SUPT6H: variants seen among roughly 807,000 people sequenced by gnomAD.
SUPT6H encodes SPT6 homolog, histone chaperone and transcription elongation factor, also known as transcription elongation factor SPT6.
SUPT6H carries 11 observed loss-of-function variants against 222.3 expected under a neutral mutation model. That is an observed-to-expected ratio of 0.05 (90% confidence interval 0.03 to 0.08). The LOEUF is 0.08. SUPT6H is among the 10% of genes least tolerant of loss of function. The pLI is 1.00. For missense variants in SUPT6H, 1,422 were observed against 2,216.0 expected, an observed-to-expected ratio of 0.64 and a Z score of 7.19; for synonymous variants, 762 against 801.2, an observed-to-expected ratio of 0.95 and a Z score of 0.83.
At chr17:28,662,975 C>G (rs566336182) in intron 1 of SUPT6H, among the ~76,000 whole-genome samples, 1 of 152,272 alleles carries the variant, frequency 6.6e-6, no homozygotes, top group Non-Finnish European at 1.5e-5. Flanking sequence ...CTAGTTTCTA[C>G]CTTTCTCCTC....
chr17:28,682,298 C>T (rs1325841324), intron 13 of SUPT6H: 5 of 296,078 alleles, frequency 1.7e-5, no homozygotes, highest in East Asian at 6.9e-5. Context: ...TGTTCTTTGA[C>T]TACCTGGTCC....
At chr17:28,690,587 C>A (rs1293736923) in intron 26 of SUPT6H, among the ~76,000 whole-genome samples, 1 of 152,098 alleles carries the variant, frequency 6.6e-6, no homozygotes, top group Non-Finnish European at 1.5e-5. Context: ...CCAGTCTGGG[C>A]AACATGGTGA....
At chr17:28,682,422 G>T (rs2031161293) in intron 13 of SUPT6H, among the ~76,000 whole-genome samples, 1 of 151,910 alleles carries the variant, frequency 6.6e-6, no homozygotes, top group Non-Finnish European at 1.5e-5. Context: ...CCCAGGATTT[G>T]GAGGCCAGCC....
chr17:28,681,672 C>T (rs1234829579), intron 12 of SUPT6H, among the ~76,000 whole-genome samples: 1 of 149,704 alleles, frequency 6.7e-6, no homozygotes, highest in African/African-American at 2.5e-5. Flanking sequence ...GAGATCATGC[C>T]ACTGCACACC....
At chr17:28,701,155 C>T (rs548260222) in intron 36 of SUPT6H, 27 bp downstream of exon 36, 2 of 1,588,016 alleles carry the variant, frequency 1.3e-6, no homozygotes, top group South Asian at 2.3e-5. Context: ...TGGCACAGTG[C>T]AGGTCAGTGG....
intron 29 of SUPT6H, 126 bp from the exon 30 acceptor site, chr17:28,696,718 A>C: frequency 1.2e-6 from 1 of 845,786 alleles, no homozygotes; most frequent in Non-Finnish European, 1.9e-6. Context: ...TGCCACTGGC[A>C]CTCCAGCCCA....
chr17:28,701,602 C>T lies in SUPT6H; in HGVS notation c.5158C>T (p.Leu1720Phe). The T allele has an allele frequency of 6.2e-7, 1 of 1,612,672 alleles. No individual in the cohort carries two copies. Among genetic ancestry groups the T allele is most frequent in the Non-Finnish European group, 8.5e-7 (1 of 1,178,914 alleles). The change falls in exon 37 of 37, where the codon CTC becomes TTC. Residue 1720 changes from leucine (L) to phenylalanine (F), a missense_variant. Coordinates refer to ENST00000314616, the MANE Select transcript of SUPT6H (RefSeq NM_003170.5). The stretch of plus-strand genomic sequence containing the variant: ...GTCCATTGCTGGCGATGCCACCCCA[C>T]TCCTGGACGAGATGGATCGGTAGGG... Reference protein sequence around the residue: ...PMSIAGDATPLLDEMDR With the variant: ...PMSIAGDATPFLDEMDR
chr17:28,697,767 C>G, intron 31 of SUPT6H, 34 bp downstream of exon 31: 1 of 1,611,364 alleles, frequency 6.2e-7, no homozygotes. Context: ...ATGACACTTG[C>G]CAATCACTTA....
At chr17:28,665,789 T>C (rs1257845267) in intron 1 of SUPT6H, among the ~76,000 whole-genome samples, 1 of 152,046 alleles carries the variant, frequency 6.6e-6, no homozygotes, top group East Asian at 1.9e-4. Flanking sequence ...TATATGTATA[T>C]GTATTTGTCC....
chr17:28,683,194 A>C (rs568327445), intron 15 of SUPT6H, 74 bp from the exon 16 acceptor site: 1 of 1,579,646 alleles, frequency 6.3e-7, no homozygotes, highest in Non-Finnish European at 8.6e-7. Context: ...GTCTGAAAGC[A>C]GAAAGGCTGT....
Position 28,682,984 on chromosome 17 carries a change from C to T in SUPT6H, c.1770C>T (p.Tyr590=). 1 of 1,613,642 alleles carries T rather than the reference C, an allele frequency of 6.2e-7. No individual in the cohort carries two copies. ...TPEAVLEGAR[Y]MVALQIAREP... is the part of the protein sequence containing the mutation. Reference sequence around the variant, plus strand: ...AAGCTGTGCTAGAAGGCGCCCGCTACATGGTAGCCCTGCAGATTGCCCGTG... The same window carrying T: ...AAGCTGTGCTAGAAGGCGCCCGCTATATGGTAGCCCTGCAGATTGCCCGTG... Residue 590 remains tyrosine (Y), a synonymous_variant, in exon 15 of 37, where the codon TAC becomes TAT. Transcript: ENST00000314616.
rs558519947 is a variant in SUPT6H at position 28,692,119 on chromosome 17, C to T, written c.3633+1056C>T. ...CGGGCGGATCATGAGGTCAGGAGAT[C>T]GAGACCATCCTGGCTAACACGGTGA... On this transcript the variant is annotated intron_variant, in intron 27 of 36. Transcript: ENST00000314616. Among the ~76,000 whole-genome samples, 661 of 148,520 alleles carry T rather than the reference C, an allele frequency of 4.5e-3. 4 individuals are homozygous for T. Among genetic ancestry groups the T allele is most frequent in the Admixed American group, 0.01 (149 of 14,866 alleles).
At chr17:28,676,862 G>A (rs556166862) in intron 7 of SUPT6H, among the ~76,000 whole-genome samples, 3 of 152,186 alleles carry the variant, frequency 2.0e-5, no homozygotes, top group South Asian at 2.1e-4. Context: ...GGGAGGTCAC[G>A]GCTGCAGTGA....
At chr17:28,672,652 G>A (rs1195762202) in intron 1 of SUPT6H, 2 of 151,860 alleles carry the variant, frequency 1.3e-5, no homozygotes, top group Non-Finnish European at 2.9e-5. Flanking sequence ...GACCTCAGGT[G>A]ATCCACCTGC....
chr17:28,663,250 T>G (rs1234876089), intron 1 of SUPT6H, among the ~76,000 whole-genome samples: 1 of 152,228 alleles, frequency 6.6e-6, no homozygotes, highest in Non-Finnish European at 1.5e-5. Context: ...GTGTTTTGAT[T>G]ACAGAAACAT....
chr17:28,684,481 C>T (rs1220790970), intron 17 of SUPT6H, 105 bp from the exon 18 acceptor site: 8 of 1,394,768 alleles, frequency 5.7e-6, no homozygotes, highest in Non-Finnish European at 6.0e-6. Flanking sequence ...TAAGAGTACA[C>T]ACCCTCGCAC....
At chr17:28,664,343 A>T (rs2029895743) in intron 1 of SUPT6H, among the ~76,000 whole-genome samples, 1 of 152,158 alleles carries the variant, frequency 6.6e-6, no homozygotes, top group Admixed American at 6.5e-5. Context: ...CCCCATCTCT[A>T]CTAAAAATAC....
At position 28,683,377 on chromosome 17, in the gene SUPT6H, G is replaced by A; in HGVS notation, c.1988G>A (p.Gly663Glu). Reference sequence around the variant, plus strand: ...AAGATATGCCTGGCTGAAGACGAAGGGCTCCTCACCACTGACATCAGCATA... The same window carrying A: ...AAGATATGCCTGGCTGAAGACGAAGAGCTCCTCACCACTGACATCAGCATA... ...FLKICLAEDEGLLTTDISIDL... is the reference protein window; with the variant it reads ...FLKICLAEDEELLTTDISIDL... The change falls in exon 16 of 37, where the codon GGG becomes GAG. Residue 663 changes from glycine to glutamate, a missense_variant. Gly to Glu is a moderately conservative substitution (Grantham distance 98). Coordinates refer to ENST00000314616, the MANE Select transcript of SUPT6H (RefSeq NM_003170.5). 1 of 1,614,164 alleles carries A rather than the reference G, an allele frequency of 6.2e-7. No homozygotes were observed.
chr17:28,697,914 G>A lies in SUPT6H; in HGVS notation c.4332G>A (p.Glu1444=), dbSNP rs765924727. Residue 1444 remains glutamate (E), a synonymous_variant, in exon 32 of 37, where the codon GAG becomes GAA. Transcript: ENST00000314616. ...DCSGGDRKKL[E]ELLIKTKKEK... is the part of the protein sequence containing the mutation. The stretch of plus-strand genomic sequence containing the variant: ...CCTCATTCTACCCCCAGAAATTAGA[G>A]GAGCTGCTCATCAAAACTAAGAAGG... 6.8e-6 allele frequency: 11 copies of A among 1,614,070 alleles called. No homozygotes were observed. Among genetic ancestry groups the A allele is most frequent in the Admixed American group, 1.7e-5 (1 of 60,022 alleles).
Sources: allele counts gnomAD v4.1 joint callset (sites outside exome capture counted in the v4.1 genomes callset), GRCh38; gene constraint gnomAD v4.1.1; transcripts MANE v1.5; gene names NCBI Gene and HGNC (gene_info 2026-07-23, HGNC 2026-07-21).